The following NUP50 variants were observed in gnomAD, a reference collection of about 807,000 sequenced individuals.
NUP50 encodes nucleoporin 50.
In NUP50, 14 loss-of-function variants were observed where a neutral mutation model predicts 36.8. That is an observed-to-expected ratio of 0.38 (90% CI 0.25 to 0.59). The LOEUF (loss-of-function observed/expected upper bound fraction) is 0.59, where lower values mean the gene tolerates loss of function less well. NUP50 is among the 20% of genes least tolerant of loss of function. The pLI is 0.63. For synonymous variants in NUP50, 195 were observed against 210.8 expected, an observed-to-expected ratio of 0.93 and a Z score of 0.65; for missense variants, 455 against 564.6, an observed-to-expected ratio of 0.81 and a Z score of 1.97.
intron 3 of NUP50, among the ~76,000 whole-genome samples, chr22:45,174,281 A>T (rs2074243500): frequency 6.6e-6 from 1 of 151,732 alleles, no homozygotes; most frequent in South Asian, 2.1e-4. Context: ...GAGCTGAAGC[A>T]ATCCTCCTGC....
chr22:45,175,885 A>G lies in NUP50; in HGVS notation c.154-9A>G. ...CTTACCTAATGTGTGCTCCTCCTTC[A>G]TACTTCAGTCTGACACTGGAGGAGC... On this transcript the variant is annotated splice_polypyrimidine_tract_variant and intron_variant, in intron 3 of 7. Coordinates refer to ENST00000347635, the MANE Select transcript of NUP50 (RefSeq NM_007172.4). The G allele has an allele frequency of 6.2e-6, 10 of 1,613,874 alleles. No homozygotes were observed. Among genetic ancestry groups the G allele is most frequent in the Non-Finnish European group, 8.5e-6 (10 of 1,179,908 alleles).
chr22:45,186,282 TG>T lies in NUP50; in HGVS notation c.*1629del, dbSNP rs2074470211. 1 of 152,170 alleles carries T rather than the reference TG, an allele frequency of 6.6e-6. No homozygotes were observed. The highest frequency in any genetic ancestry group is 2.4e-5 in the African/African-American group (1 of 41,428). The allele number at this position is 152,170 out of a possible 1,614,324, so 9.4% of individuals were successfully genotyped here. The stretch of plus-strand genomic sequence containing the variant: ...CGATAGTAGGCACCTAGGGAGGAAG[TG>T]GCCGTTAGTTTTACACTGACTTTTT... On this transcript the variant is annotated 3_prime_UTR_variant, in exon 8 of 8. Coordinates refer to ENST00000347635, the MANE Select transcript of NUP50 (RefSeq NM_007172.4).
At chr22:45,170,300 CTT>C (rs1454381761) in intron 2 of NUP50, among the ~76,000 whole-genome samples, 1 of 151,718 alleles carries the variant, frequency 6.6e-6, no homozygotes, top group East Asian at 2.0e-4. Context: ...TGTCTTGTGT[CTT>C]TATTTCTTAC....
chr22:45,171,231 C>T, intron 2 of NUP50: 2 of 1,099,430 alleles, frequency 1.8e-6, no homozygotes, highest in Non-Finnish European at 2.3e-6. Context: ...CAGTCTTGCT[C>T]TGTTGCCCAG....
rs1014914889 is a variant in NUP50 at position 45,178,059 on chromosome 22, GA to G, written c.341-178del. The G allele has an allele frequency of 8.4e-6, 5 of 598,360 alleles. No individual in the cohort carries two copies. In the African/African-American group the frequency reaches 9.3e-5, roughly 11 times the overall value. The allele number at this position is 598,360 out of a possible 1,614,324, so 37.1% of individuals were successfully genotyped here. ...GAGAATCGCTTGAACCTGGGAGGCA[GA>G]GGTTGCAGTGAGCCAAGATCGTGCC... On this transcript the variant is annotated intron_variant, in intron 4 of 7. Transcript: ENST00000347635.
chr22:45,164,436 G>C (rs1419543205), intron 1 of NUP50, 140 bp downstream of exon 1: 2 of 153,184 alleles, frequency 1.3e-5, no homozygotes, highest in South Asian at 2.0e-4. Context: ...GGACCCTGGG[G>C]AGGGAGGTGC....
intron 1 of NUP50, among the ~76,000 whole-genome samples, chr22:45,166,591 GTTAATC>G (rs1280456551): frequency 6.6e-6 from 1 of 151,976 alleles, no homozygotes; most frequent in Admixed American, 6.6e-5. Context: ...TGGCCCCACA[GTTAATC>G]TTAAATAGCA....
chr22:45,168,184 A>G lies in NUP50; in HGVS notation c.7A>G (p.Lys3Glu). ...ATAACTTAGGTTCGAAAACATGGCC[A>G]AAAGAAATGCCGAGAAGGAACTGAC... MAKRNAEKELTDR... is the reference protein window; with the variant it reads MAERNAEKELTDR... The change falls in exon 2 of 8, where the codon AAA (lysine) becomes GAA (glutamate). Residue 3 changes from lysine (K) to glutamate (E), a missense_variant. Transcript: ENST00000347635. 6.2e-7 allele frequency: 1 copy of G among 1,610,472 alleles called. No individual in the cohort carries two copies. Among genetic ancestry groups the G allele is most frequent in the Admixed American group, 1.7e-5 (1 of 59,158 alleles).
intron 1 of NUP50, among the ~76,000 whole-genome samples, chr22:45,167,470 G>T (rs1325701351): frequency 1.3e-5 from 2 of 152,172 alleles, no homozygotes; most frequent in Non-Finnish European, 2.9e-5. Flanking sequence ...CCCAACTCCT[G>T]CCCCTTCCAC....
rs1428360071 is a variant in NUP50, at chr22:45,185,230, C to G, written c.*575C>G. The G allele has an allele frequency of 6.4e-6, 1 of 155,222 alleles. No homozygotes were observed. The highest frequency in any genetic ancestry group is 1.4e-5 in the Non-Finnish European group (1 of 69,878). 9.6% of individuals were successfully genotyped at this position (155,222 alleles called of 1,614,324 possible). A position where few individuals can be genotyped will look rare whatever the true frequency, so the allele number is the denominator to read the frequency against. On this transcript the variant is annotated 3_prime_UTR_variant, in exon 8 of 8. Coordinates refer to ENST00000347635, the MANE Select transcript of NUP50 (RefSeq NM_007172.4). Reference sequence around the variant, plus strand: ...TCACCTCAGCGTTCGAATCATTGGCCTGTAACCCTGTGGGCTGCTTCACGA... The same window carrying G: ...TCACCTCAGCGTTCGAATCATTGGCGTGTAACCCTGTGGGCTGCTTCACGA...
At chr22:45,177,909 A>C (rs1220390889) in intron 4 of NUP50, 1 of 252,142 alleles carries the variant, frequency 4.0e-6, no homozygotes, top group Non-Finnish European at 7.8e-6. Flanking sequence ...CGGGCAGATC[A>C]TGAGGTCAGG....
chr22:45,171,682 A>C lies in NUP50; in HGVS notation c.152A>C (p.Glu51Ala). The C allele has an allele frequency of 6.2e-7, 1 of 1,613,558 alleles. No individual in the cohort carries two copies. ...KKAKRRNVGFESDTGGAFKGF... is the reference protein window; with the variant it reads ...KKAKRRNVGFASDTGGAFKGF... ...GCAAAGCGCAGAAATGTTGGATTTGAAGTGAGTGCCCCCTTACAGCTCTTG... is the reference window on the plus strand; with the variant it reads ...GCAAAGCGCAGAAATGTTGGATTTGCAGTGAGTGCCCCCTTACAGCTCTTG... The change falls in exon 3 of 8, where the codon GAA becomes GCA. Residue 51 changes from glutamate to alanine, a missense_variant and splice_region_variant. By Grantham distance (107) the Glu-to-Ala change is moderately radical. Transcript: ENST00000347635.
At chr22:45,179,701 A>G (rs1026024123) in intron 5 of NUP50, among the ~76,000 whole-genome samples, 3 of 152,186 alleles carry the variant, frequency 2.0e-5, no homozygotes, top group Admixed American at 6.5e-5. Context: ...CCTGGGCAAC[A>G]TAGCAAGACC....
chr22:45,182,128 AT>A (rs557875978), intron 6 of NUP50, among the ~76,000 whole-genome samples: 331 of 144,712 alleles, frequency 2.3e-3, no homozygotes, highest in Non-Finnish European at 2.4e-3. Context: ...CAACTTTAAG[AT>A]TTTTTTTTTT....
intron 5 of NUP50, chr22:45,179,385 G>A (rs1440706593): frequency 6.5e-6 from 1 of 154,078 alleles, no homozygotes; most frequent in African/African-American, 2.4e-5. Context: ...TCCTCCTGTG[G>A]GTTTGGAGGC....
At chr22:45,171,947 G>C (rs2074201721) in intron 3 of NUP50, 1 of 371,298 alleles carries the variant, frequency 2.7e-6, no homozygotes, top group South Asian at 3.6e-5. Flanking sequence ...AAGCAATACA[G>C]AGGTGGGCGA....
At chr22:45,173,903 C>T (rs901145792) in intron 3 of NUP50, among the ~76,000 whole-genome samples, 1 of 152,148 alleles carries the variant, frequency 6.6e-6, no homozygotes, top group African/African-American at 2.4e-5. Context: ...TAACTCTTAG[C>T]CTGAAGTTTT....
chr22:45,176,156 A>C, intron 4 of NUP50, 76 bp downstream of exon 4: 3 of 1,470,990 alleles, frequency 2.0e-6, no homozygotes, highest in Non-Finnish European at 2.8e-6. Context: ...TGTTTTTCTT[A>C]TAGCTACCCT....
chr22:45,168,752 A>G (rs944042692), intron 2 of NUP50, among the ~76,000 whole-genome samples: 2 of 152,034 alleles, frequency 1.3e-5, no homozygotes, highest in Non-Finnish European at 2.9e-5. Flanking sequence ...ACCCCTAACA[A>G]TTGCATTTAT....
Sources: gnomAD v4.1 joint callset for allele counts (sites outside exome capture counted in the v4.1 genomes callset) on GRCh38, gnomAD v4.1.1 for gene constraint, MANE v1.5 for transcripts, NCBI Gene and HGNC (gene_info 2026-07-23, HGNC 2026-07-21) for gene names.